Variants in NSD1 observed in about 807,000 individuals in gnomAD.
NSD1 encodes the protein histone-lysine N-methyltransferase, H3 lysine-36 specific.
In NSD1, 26 loss-of-function variants were observed where a neutral mutation model predicts 242.7. That is an observed-to-expected ratio of 0.11 (90% confidence interval 0.08 to 0.15). NSD1 has a LOEUF of 0.15. NSD1 is among the 10% of genes least tolerant of loss of function. The probability of loss-of-function intolerance (pLI) is 1.00; values close to 1 mark genes in which losing one functional copy is unlikely to be tolerated. For synonymous variants in NSD1, 1,106 were observed against 1,178.1 expected (o/e 0.94, Z 1.25); for missense variants, 2,495 against 3,272.8 (o/e 0.76, Z 5.80).
In NSD1 at chr5:177,210,126, A is replaced by G; in HGVS notation, c.1727A>G (p.Asn576Ser). Reference sequence around the variant, plus strand: ...TTTCTGTTTTCTTCCTGTGGAAAAAACACTGCAAAGAAAGAATTTGAGACT... The same window carrying G: ...TTTCTGTTTTCTTCCTGTGGAAAAAGCACTGCAAAGAAAGAATTTGAGACT... ...GSFLFSSCGK[N>S]TAKKEFETSN... Residue 576 changes from asparagine (N) to serine (S), a missense_variant, in exon 5 of 23, where the codon AAC becomes AGC. Transcript: ENST00000439151. The G allele has an allele frequency of 6.2e-7, 1 of 1,613,476 alleles. No individual in the cohort carries two copies. Among genetic ancestry groups the G allele is most frequent in the Non-Finnish European group, 8.5e-7 (1 of 1,179,798 alleles).
chr5:177,136,753 C>T (rs2149758094), intron 2 of NSD1: 1 of 534,066 alleles, frequency 1.9e-6, no homozygotes, highest in East Asian at 2.9e-5. Flanking sequence ...ATCACCACGC[C>T]CGGCTAATTT....
intron 2 of NSD1, among the ~76,000 whole-genome samples, chr5:177,186,560 C>G (rs1761250561): frequency 6.6e-6 from 1 of 152,016 alleles, no homozygotes; most frequent in Admixed American, 6.6e-5. Context: ...TTCCTTTAAA[C>G]AGAACTTTTG....
In NSD1 at chr5:177,191,882, A is replaced by C; in HGVS notation, c.928-2A>C. On this transcript the variant is annotated splice_acceptor_variant, in intron 2 of 22. Coordinates refer to ENST00000439151, the MANE Select transcript of NSD1 (RefSeq NM_022455.5). LOFTEE classifies it high-confidence loss of function. ...GATGCCCCATGTTTTGTCTGTCTAA[A>C]GTGTCAACCTAAGAAAAAGTCTACG... 2 of 1,614,074 alleles carry C rather than the reference A, an allele frequency of 1.2e-6. No homozygotes were observed. Among genetic ancestry groups the C allele is most frequent in the Non-Finnish European group, 1.7e-6 (2 of 1,179,954 alleles).
chr5:177,225,373 T>G lies in NSD1; in HGVS notation c.3797-10448T>G, dbSNP rs553490797. On this transcript the variant is annotated intron_variant, in intron 5 of 22. Transcript: ENST00000439151. ...GGCCAGGCTGGTCTTGAACTCCTGA[T>G]CTCAAGTAATCTGCCTGTCTGAGCC... 2.0e-4 allele frequency among the ~76,000 whole-genome samples: 30 copies of G among 152,122 alleles called. No homozygotes were observed. In the East Asian group the frequency reaches 5.8e-3, roughly 29 times the overall value.
intron 3 of NSD1, among the ~76,000 whole-genome samples, chr5:177,199,405 G>T (rs1448952473): frequency 6.6e-6 from 1 of 151,860 alleles, no homozygotes; most frequent in African/African-American, 2.4e-5. Flanking sequence ...CTACAGGCAA[G>T]GGCCACCATG....
rs901259726 is a variant in NSD1 at position 177,247,375 on chromosome 5, C to G, written c.4497+579C>G. ...CCTTGAGGCAGAGGTTGTAGTGAGC[C>G]GAAATCATGCCACTGCCCTCCAGCC... On this transcript the variant is annotated intron_variant, in intron 10 of 22. Transcript: ENST00000439151. 1.3e-5 allele frequency among the ~76,000 whole-genome samples: 2 copies of G among 152,026 alleles called. 1 individual carries two copies. The highest frequency in any genetic ancestry group is 4.1e-4 in the South Asian group (2 of 4,824).
At chr5:177,261,162 C>G (rs984220328) in intron 14 of NSD1, among the ~76,000 whole-genome samples, 11 of 152,110 alleles carry the variant, frequency 7.2e-5, no homozygotes, top group African/African-American at 2.6e-4. Flanking sequence ...CCCTCCCCCA[C>G]CGGTTCAAGC....
At chr5:177,161,408 G>T (rs1471431496) in intron 2 of NSD1, among the ~76,000 whole-genome samples, 1 of 151,864 alleles carries the variant, frequency 6.6e-6, no homozygotes, top group East Asian at 1.9e-4. Flanking sequence ...TGATTAGGCT[G>T]GGAGGGTGGG....
At chr5:177,256,542 T>C (rs1214706956) in intron 12 of NSD1, among the ~76,000 whole-genome samples, 1 of 152,174 alleles carries the variant, frequency 6.6e-6, no homozygotes, top group Admixed American at 6.5e-5. Context: ...CTCAGCCTCC[T>C]GAAGTGCTGG....
chr5:177,164,025 G>A (rs1183535077), intron 2 of NSD1, among the ~76,000 whole-genome samples: 1 of 152,014 alleles, frequency 6.6e-6, no homozygotes, highest in Non-Finnish European at 1.5e-5. Flanking sequence ...TCGCTCTGAT[G>A]AGAGCTAGAA....
chr5:177,218,861 G>A (rs892905047), intron 5 of NSD1, among the ~76,000 whole-genome samples: 1 of 151,502 alleles, frequency 6.6e-6, no homozygotes, highest in African/African-American at 2.4e-5. Context: ...GAGCCACCGC[G>A]CCCGGCCCCC....
Sources: allele counts gnomAD v4.1 joint callset (sites outside exome capture counted in the v4.1 genomes callset), GRCh38; gene constraint gnomAD v4.1.1; transcripts MANE v1.5; gene names NCBI Gene and HGNC (gene_info 2026-07-23, HGNC 2026-07-21).